Variants in TCF4 observed in about 807,000 individuals in gnomAD.
TCF4 encodes SL3-3 enhancer factor 2.
Under a neutral mutation model 82.1 loss-of-function variants are expected in TCF4, and 3 were observed. The observed-to-expected ratio is 0.04, with a 90% CI of 0.02 to 0.09. The LOEUF (loss-of-function observed/expected upper bound fraction) is 0.09. Among genes scored for constraint, TCF4 ranks in the 10% least tolerant of loss-of-function variants. The pLI is 1.00. For synonymous variants in TCF4, 276 were observed against 309.6 expected, an observed-to-expected ratio of 0.89 and a Z score of 1.14; for missense variants, 518 against 852.7, an observed-to-expected ratio of 0.61 and a Z score of 4.89.
chr18:55,322,350 G>A, intron 8 of TCF4: 1 of 1,015,374 alleles, frequency 9.8e-7, no homozygotes, highest in Non-Finnish European at 1.2e-6. Flanking sequence ...TGTCTCTGCT[G>A]CTGGCTAGCT....
rs919071446 is a variant in TCF4 at position 55,407,200 on chromosome 18, G to GC, written c.305-3683dup. 1.2e-4 allele frequency among the ~76,000 whole-genome samples: 18 copies of GC among 152,050 alleles called. 1 individual carries two copies. The highest frequency in any genetic ancestry group is 1.2e-3 in the Admixed American group (18 of 15,258). ...TTTGCTGCTGGTGACGATTTGCCGT[G>GC]CATGAAATGAATATGACCTAATGGA... On this transcript the variant is annotated intron_variant, in intron 5 of 19. Transcript: ENST00000354452.
At chr18:55,589,350 G>A (rs915716912), upstream of TCF4, 40 of 1,052,794 alleles carry the variant, frequency 3.8e-5, no homozygotes, top group Non-Finnish European at 4.6e-5. Flanking sequence ...ACTTTAAAAA[G>A]AGAGACAAAA....
At chr18:55,311,723 C>A (rs1178195671) in intron 8 of TCF4, among the ~76,000 whole-genome samples, 2 of 152,190 alleles carry the variant, frequency 1.3e-5, no homozygotes, top group Non-Finnish European at 2.9e-5. Flanking sequence ...CACTCTGGAA[C>A]TTTTAGAACC....
chr18:55,259,618 G>A (rs965395288), intron 13 of TCF4: 1 of 273,436 alleles, frequency 3.7e-6, no homozygotes, highest in Non-Finnish European at 7.0e-6. Context: ...TATATTAACT[G>A]AGTTTTTTTC....
chr18:55,589,736 A>C, upstream of TCF4: 1 of 1,022,604 alleles, frequency 9.8e-7, no homozygotes, highest in Non-Finnish European at 1.2e-6. Context: ...CCGTGGAGTC[A>C]CATTGATAAT....
intron 6 of TCF4, among the ~76,000 whole-genome samples, chr18:55,379,339 C>A (rs1486562078): frequency 1.3e-5 from 2 of 152,198 alleles, no homozygotes; most frequent in African/African-American, 4.8e-5. Context: ...GTACATTGGA[C>A]AATGTGCCTG....
intron 2 of TCF4, among the ~76,000 whole-genome samples, chr18:55,607,018 AG>A (rs1435931173): frequency 1.3e-5 from 2 of 152,182 alleles, no homozygotes; most frequent in Admixed American, 1.3e-4. Flanking sequence ...GGGTGACACC[AG>A]GCACCATATG....
intron 5 of TCF4, among the ~76,000 whole-genome samples, chr18:55,454,051 C>T (rs2095682957): frequency 6.6e-6 from 1 of 152,026 alleles, no homozygotes; most frequent in Admixed American, 6.6e-5. Context: ...TCTGTAGAAA[C>T]AGGATCTCGC....
chr18:55,255,931 T>G (rs2056702649), intron 14 of TCF4, among the ~76,000 whole-genome samples: 1 of 152,202 alleles, frequency 6.6e-6, no homozygotes, highest in African/African-American at 2.4e-5. Flanking sequence ...ACAGGAAGAA[T>G]GTGTGTCTAA....
At chr18:55,517,878 C>T (rs2096898321) in intron 3 of TCF4, among the ~76,000 whole-genome samples, 1 of 152,132 alleles carries the variant, frequency 6.6e-6, no homozygotes, top group Non-Finnish European at 1.5e-5. Context: ...TTAGAGCTTT[C>T]TCCATCTCTC....
At chr18:55,275,288 A>C (rs571398011) in intron 10 of TCF4, among the ~76,000 whole-genome samples, 16 of 150,920 alleles carry the variant, frequency 1.1e-4, no homozygotes, top group African/African-American at 3.4e-4. Flanking sequence ...AAAAAAAAAA[A>C]AAAAAAAAAA....
chr18:55,596,261 C>A (rs1369188932), intron 2 of TCF4: 1 of 309,376 alleles, frequency 3.2e-6, no homozygotes, highest in African/African-American at 2.3e-5. Context: ...ATCTTCATTG[C>A]ATTGGCTGTC....
intron 6 of TCF4, among the ~76,000 whole-genome samples, chr18:55,392,189 T>A (rs896561040): frequency 1.3e-5 from 2 of 151,366 alleles, no homozygotes; most frequent in African/African-American, 4.8e-5. Context: ...GGTCTCGAAC[T>A]CCTGTCCTCA....
intron 11 of TCF4, among the ~76,000 whole-genome samples, chr18:55,262,695 G>T (rs1873792518): frequency 1.3e-5 from 2 of 152,134 alleles, no homozygotes; most frequent in Admixed American, 1.3e-4. Context: ...GATCTTCAGT[G>T]GTCCAATTCT....
At chr18:55,570,543 T>C (rs1473935975) in intron 3 of TCF4, among the ~76,000 whole-genome samples, 1 of 151,972 alleles carries the variant, frequency 6.6e-6, no homozygotes, top group Non-Finnish European at 1.5e-5. Context: ...CTGAAATAAA[T>C]ATATACAAAG....
chr18:55,342,978 T>C (rs933918853), intron 8 of TCF4, among the ~76,000 whole-genome samples: 1 of 152,128 alleles, frequency 6.6e-6, no homozygotes, highest in African/African-American at 2.4e-5. Context: ...TCAGGAGGCA[T>C]ATTTAGAATG....
intron 3 of TCF4, among the ~76,000 whole-genome samples, chr18:55,564,288 A>C (rs2097381848): frequency 6.6e-6 from 1 of 152,238 alleles, no homozygotes; most frequent in African/African-American, 2.4e-5. Flanking sequence ...GTCCATATTA[A>C]GGAGAACAGA....
intron 8 of TCF4, among the ~76,000 whole-genome samples, chr18:55,330,470 G>A (rs1010594678): frequency 6.6e-6 from 1 of 150,526 alleles, no homozygotes; most frequent in African/African-American, 2.4e-5. Context: ...TAGCCACCAC[G>A]CCTGGCATGT....
At chr18:55,519,294 C>T (rs1272061791) in intron 3 of TCF4, among the ~76,000 whole-genome samples, 3 of 151,958 alleles carry the variant, frequency 2.0e-5, no homozygotes, top group Non-Finnish European at 2.9e-5. Flanking sequence ...ATTAGCCATG[C>T]ATGGTGGCCC....
Sources: gnomAD v4.1 joint callset for allele counts (sites outside exome capture counted in the v4.1 genomes callset) on GRCh38, gnomAD v4.1.1 for gene constraint, MANE v1.5 for transcripts, NCBI Gene and HGNC (gene_info 2026-07-23, HGNC 2026-07-21) for gene names.